Variants in SIL1 observed in about 807,000 individuals in gnomAD.
SIL1 encodes nucleotide exchange factor SIL1.
In SIL1, 40 loss-of-function variants were observed where a neutral mutation model predicts 49.1. The observed-to-expected ratio is 0.81, with a 90% CI of 0.63 to 1.06. SIL1 has a LOEUF of 1.06. Among genes scored for constraint, SIL1 ranks in the 50% least tolerant of loss-of-function variants. SIL1 has a pLI of 0.00. For missense variants in SIL1, 500 were observed against 572.6 expected (o/e 0.87, Z 1.29); for synonymous variants, 253 against 250.8 (o/e 1.01, Z -0.08).
At chr5:139,154,242 C>T (rs1751364991) in intron 1 of SIL1, among the ~76,000 whole-genome samples, 1 of 152,072 alleles carries the variant, frequency 6.6e-6, no homozygotes, top group African/African-American at 2.4e-5. Flanking sequence ...AAAAAAAAGG[C>T]AAAATAAACC....
chr5:139,101,601 T>G (rs911033007), intron 3 of SIL1, among the ~76,000 whole-genome samples: 1 of 152,238 alleles, frequency 6.6e-6, no homozygotes, highest in Non-Finnish European at 1.5e-5. Flanking sequence ...ACCTACCACA[T>G]AGCAAGTGCT....
chr5:139,020,504 G>A (rs1768495712), intron 7 of SIL1, among the ~76,000 whole-genome samples: 1 of 152,228 alleles, frequency 6.6e-6, no homozygotes, highest in African/African-American at 2.4e-5. Context: ...ATGGTCCTAA[G>A]AGCAGATTTT....
intron 7 of SIL1, among the ~76,000 whole-genome samples, chr5:138,982,184 T>C (rs1017492610): frequency 1.3e-5 from 2 of 152,232 alleles, no homozygotes; most frequent in Admixed American, 6.5e-5. Context: ...TGCATCTTCC[T>C]ATCCTCTAAG....
intron 2 of SIL1, 38 bp from the exon 3 acceptor site, chr5:139,121,211 T>G: frequency 6.2e-7 from 1 of 1,613,610 alleles, no homozygotes. Flanking sequence ...CCACTGCAAC[T>G]AGGCGCCAGG....
At chr5:139,154,998 G>T (rs1172454203) in intron 1 of SIL1, among the ~76,000 whole-genome samples, 2 of 152,180 alleles carry the variant, frequency 1.3e-5, no homozygotes, top group Non-Finnish European at 2.9e-5. Context: ...TTGTGAAACA[G>T]CAGGTAAAAG....
intron 3 of SIL1, among the ~76,000 whole-genome samples, chr5:139,112,177 C>T (rs968139468): frequency 3.3e-5 from 5 of 152,230 alleles, no homozygotes; most frequent in African/African-American, 7.2e-5. Context: ...AGTGCAGTGG[C>T]GTGATCTCAG....
At chr5:139,146,319 G>A (rs533503017) in intron 1 of SIL1, among the ~76,000 whole-genome samples, 1 of 152,246 alleles carries the variant, frequency 6.6e-6, no homozygotes, top group African/African-American at 2.4e-5. Context: ...CACTTTAGGA[G>A]GCCAAGGTGA....
At chr5:139,079,008 A>T (rs1157903209) in intron 3 of SIL1, among the ~76,000 whole-genome samples, 1 of 152,218 alleles carries the variant, frequency 6.6e-6, no homozygotes, top group Non-Finnish European at 1.5e-5. Context: ...GTGACTAGTG[A>T]TACTAAGAAA....
intron 7 of SIL1, among the ~76,000 whole-genome samples, chr5:138,982,185 A>G (rs528594998): frequency 3.9e-5 from 6 of 152,338 alleles, no homozygotes; most frequent in East Asian, 3.9e-4. Context: ...GCATCTTCCT[A>G]TCCTCTAAGA....
intron 3 of SIL1, among the ~76,000 whole-genome samples, chr5:139,094,447 T>C (rs528516560): frequency 1.3e-5 from 2 of 152,268 alleles, no homozygotes; most frequent in African/African-American, 4.8e-5. Context: ...CAACACTAAG[T>C]AAAATCTATA....
At chr5:139,003,853 A>T (rs1453347106) in intron 7 of SIL1, among the ~76,000 whole-genome samples, 2 of 152,198 alleles carry the variant, frequency 1.3e-5, no homozygotes, top group Non-Finnish European at 2.9e-5. Flanking sequence ...CTTTCTAATA[A>T]CCTCAGCCCG....
chr5:139,109,388 T>C (rs895326456), intron 3 of SIL1, among the ~76,000 whole-genome samples: 4 of 152,190 alleles, frequency 2.6e-5, no homozygotes, highest in Admixed American at 2.0e-4. Context: ...AGATCCAACT[T>C]AGAAACCCAA....
chr5:139,039,172 C>A (rs556125612), intron 5 of SIL1, among the ~76,000 whole-genome samples: 1 of 152,330 alleles, frequency 6.6e-6, no homozygotes, highest in South Asian at 2.1e-4. Context: ...GTGGAGGAAG[C>A]AGAACACTGC....
At chr5:139,126,055 C>A (rs999281080) in intron 2 of SIL1, among the ~76,000 whole-genome samples, 6 of 152,176 alleles carry the variant, frequency 3.9e-5, no homozygotes, top group African/African-American at 1.4e-4. Context: ...AGGATCATAA[C>A]CACCTCCACC....
intron 7 of SIL1, among the ~76,000 whole-genome samples, chr5:138,962,849 C>A (rs1767051616): frequency 6.6e-6 from 1 of 152,148 alleles, no homozygotes; most frequent in South Asian, 2.1e-4. Context: ...AGGATCAAAG[C>A]AGCTAATTAG....
intron 3 of SIL1, among the ~76,000 whole-genome samples, chr5:139,082,686 A>C (rs1770111033): frequency 6.6e-6 from 1 of 152,186 alleles, no homozygotes; most frequent in Non-Finnish European, 1.5e-5. Context: ...CACTTCAATT[A>C]CTTGGTGTCT....
chr5:138,979,002 G>C (rs1465578930), intron 7 of SIL1, among the ~76,000 whole-genome samples: 1 of 151,984 alleles, frequency 6.6e-6, no homozygotes, highest in Admixed American at 6.6e-5. Context: ...CCCATTCGGT[G>C]GTTTTCCTTT....
At chr5:139,051,205 C>T in intron 3 of SIL1, 159 bp from the exon 4 acceptor site, 1 of 685,736 alleles carries the variant, frequency 1.5e-6, no homozygotes, top group Non-Finnish European at 2.6e-6. Context: ...TGAACACACA[C>T]ACCACTCGCA....
At chr5:139,113,316 TAAA>T (rs1210587368) in intron 3 of SIL1, among the ~76,000 whole-genome samples, 6 of 121,266 alleles carry the variant, frequency 4.9e-5, no homozygotes, top group African/African-American at 2.0e-4. Flanking sequence ...AAAAAATAAA[TAAA>T]TAAATAAATT....
Sources: allele counts gnomAD v4.1 joint callset (sites outside exome capture counted in the v4.1 genomes callset), GRCh38; gene constraint gnomAD v4.1.1; transcripts MANE v1.5; gene names NCBI Gene and HGNC (gene_info 2026-07-23, HGNC 2026-07-21).